KRT13: variants seen among roughly 807,000 people sequenced by gnomAD.
KRT13 encodes the protein keratin 13.
A neutral mutation model predicts 40.6 loss-of-function variants in KRT13; 27 were observed. The observed-to-expected ratio is 0.67, with a 90% CI of 0.49 to 0.92. KRT13 has a LOEUF of 0.92. Among genes scored for constraint, KRT13 ranks in the 40% least tolerant of loss-of-function variants. The pLI, the probability that KRT13 is intolerant of heterozygous loss-of-function variation, is 0.00. For synonymous variants in KRT13, 266 were observed against 240.3 expected, an observed-to-expected ratio of 1.11 and a Z score of -0.99; for missense variants, 605 against 611.5, an observed-to-expected ratio of 0.99 and a Z score of 0.11.
chr17:41,503,244 C>A, intron 3 of KRT13, 43 bp downstream of exon 3: 1 of 1,611,880 alleles, frequency 6.2e-7, no homozygotes. Flanking sequence ...CTCCTTCTCA[C>A]TGGAGGTTGT....
chr17:41,504,103 T>A, intron 1 of KRT13: 1 of 300,502 alleles, frequency 3.3e-6, no homozygotes, highest in Non-Finnish European at 6.4e-6. Flanking sequence ...GGCATTTCCC[T>A]CTGGGCCTCC....
chr17:41,502,095 A>G, intron 6 of KRT13: 2 of 1,420,172 alleles, frequency 1.4e-6, no homozygotes, highest in Non-Finnish European at 9.2e-7. Flanking sequence ...AAAGCACCAT[A>G]GTAATAGCTT....
At chr17:41,501,492 C>T in intron 7 of KRT13, 130 bp from the exon 8 acceptor site, 1 of 1,072,226 alleles carries the variant, frequency 9.3e-7, no homozygotes, top group Non-Finnish European at 1.4e-6. Context: ...TTTATTGTCC[C>T]CAAAGATGGC....
In KRT13 at chr17:41,503,349, G is replaced by A. The variant is rs747084203; in HGVS notation, c.673C>T (p.Leu225=). Residue 225 remains leucine, a synonymous_variant, in exon 3 of 8, where the codon CTG becomes TTG. Coordinates refer to ENST00000246635, the MANE Select transcript of KRT13 (RefSeq NM_153490.3). ...LDELTLSKTD[L]EMQIESLNEE... ...TTCAGGCTCTCGATCTGCATCTCCA[G>A]GTCAGTCTTAGACAGAGTGAGCTCA... 1 of 1,614,252 alleles carries A rather than the reference G, an allele frequency of 6.2e-7. No individual in the cohort carries two copies. Among genetic ancestry groups the A allele is most frequent in the Non-Finnish European group, 8.5e-7 (1 of 1,180,040 alleles).
chr17:41,503,592 A>G, intron 2 of KRT13, 51 bp downstream of exon 2: 1 of 1,579,364 alleles, frequency 6.3e-7, no homozygotes, highest in Middle Eastern at 1.7e-4. Flanking sequence ...GCTTTTGTCT[A>G]AACTAAGAGA....
chr17:41,502,406 G>A lies in KRT13; in HGVS notation c.1212C>T (p.Thr404=). ...IKTRLEQEIA[T]YRSLLEGQDA... Reference sequence around the variant, plus strand: ...CCTGGCCCTCGAGCAGGCTGCGGTAGGTGGCGATCTCCTGCTCCAGACGTG... The same window carrying A: ...CCTGGCCCTCGAGCAGGCTGCGGTAAGTGGCGATCTCCTGCTCCAGACGTG... The change falls in exon 6 of 8, where the codon ACC becomes ACT. Residue 404 remains threonine, a synonymous_variant. Coordinates refer to ENST00000246635, the MANE Select transcript of KRT13 (RefSeq NM_153490.3). 5 of 1,614,254 alleles carry A rather than the reference G, an allele frequency of 3.1e-6. No homozygotes were observed. Among genetic ancestry groups the A allele is most frequent in the Non-Finnish European group, 4.2e-6 (5 of 1,180,044 alleles).
Position 41,502,519 on chromosome 17 carries a change from T to C in KRT13, c.1099A>G (p.Ile367Val). Residue 367 changes from isoleucine (I) to valine (V), a missense_variant, in exon 6 of 8, where the codon ATC (isoleucine) becomes GTC (valine). By Grantham distance (29) the Ile-to-Val change is conservative. Coordinates refer to ENST00000246635, the MANE Select transcript of KRT13 (RefSeq NM_153490.3). ...CTCAGCTGGGCCTCGATGCTGCTGA[T>C]GAGTCCCTGGATCTGCTGCAGCTGC... Reference protein sequence around the residue: ...ALQLQQIQGLISSIEAQLSEL... With the variant: ...ALQLQQIQGLVSSIEAQLSEL... 1.2e-6 allele frequency: 2 copies of C among 1,614,116 alleles called. No homozygotes were observed. Among genetic ancestry groups the C allele is most frequent in the East Asian group, 2.2e-5 (1 of 44,882 alleles).
chr17:41,502,103 C>T (rs147841491), intron 6 of KRT13: 1 of 1,423,858 alleles, frequency 7.0e-7, no homozygotes, highest in African/African-American at 1.4e-5. Flanking sequence ...ATAGTAATAG[C>T]TTTGTTCAGC....
Position 41,505,552 on chromosome 17 carries a change from G to A in KRT13, c.-2C>T. ...GGAGCTCTGCAGGCGGAGGCTCATGGTGAGAGCAGGATTGAGAGCAGGTGC... is the reference window on the plus strand; with the variant it reads ...GGAGCTCTGCAGGCGGAGGCTCATGATGAGAGCAGGATTGAGAGCAGGTGC... On this transcript the variant is annotated 5_prime_UTR_variant, in exon 1 of 8. Transcript: ENST00000246635. 1 of 1,614,226 alleles carries A rather than the reference G, an allele frequency of 6.2e-7. No homozygotes were observed. Among genetic ancestry groups the A allele is most frequent in the Non-Finnish European group, 8.5e-7 (1 of 1,180,050 alleles).
Position 41,502,683 on chromosome 17 carries a change from A to C in KRT13, c.1023+4T>G. 4 of 1,613,952 alleles carry C rather than the reference A, an allele frequency of 2.5e-6. No homozygotes were observed. In the South Asian group the frequency reaches 3.3e-5, roughly 13 times the overall value. On this transcript the variant is annotated splice_donor_region_variant and intron_variant, in intron 5 of 7. Transcript: ENST00000246635. ...CGCCACCGGGCAGGAGGCTGCAGGCATACCATGCTCAGCTGGGACTGCAGC... is the reference window on the plus strand; with the variant it reads ...CGCCACCGGGCAGGAGGCTGCAGGCCTACCATGCTCAGCTGGGACTGCAGC...
chr17:41,504,445 T>G (rs969237352), intron 1 of KRT13: 1 of 156,464 alleles, frequency 6.4e-6, no homozygotes, highest in Admixed American at 6.1e-5. Flanking sequence ...GTCTAAACGT[T>G]TATATTCCAA....
At chr17:41,501,464 G>A in intron 7 of KRT13, 102 bp from the exon 8 acceptor site, 1 of 1,098,518 alleles carries the variant, frequency 9.1e-7, no homozygotes, top group Non-Finnish European at 1.4e-6. Flanking sequence ...TAGTCAGGTG[G>A]TGCGTGGATG....
In KRT13 at chr17:41,501,304, G is replaced by C. The variant is rs1567712821; in HGVS notation, c.1329C>G (p.Thr443=). Residue 443 remains threonine, a synonymous_variant, in exon 8 of 8, where the codon ACC becomes ACG. Coordinates refer to ENST00000246635, the MANE Select transcript of KRT13 (RefSeq NM_153490.3). Reference sequence around the variant, plus strand: ...TGCGGCGACCAGAGGCATTAGAGGTGGTGGTAACAGAGGCACTAGAAGTCG... The same window carrying C: ...TGCGGCGACCAGAGGCATTAGAGGTCGTGGTAACAGAGGCACTAGAAGTCG... ...VTTTSSASVT[T]TSNASGRRTS... The C allele has an allele frequency of 6.3e-7, 1 of 1,576,942 alleles. No homozygotes were observed. Among genetic ancestry groups the C allele is most frequent in the Non-Finnish European group, 8.6e-7 (1 of 1,161,284 alleles).
chr17:41,504,213 G>A, intron 1 of KRT13: 1 of 185,718 alleles, frequency 5.4e-6, no homozygotes, highest in Admixed American at 5.4e-5. Flanking sequence ...GATGCAGGGA[G>A]TGCATTTCTG....
At chr17:41,503,491 A>G (rs1476788627) in intron 2 of KRT13, 48 bp from the exon 3 acceptor site, 58 of 1,601,634 alleles carry the variant, frequency 3.6e-5, no homozygotes, top group Non-Finnish European at 4.8e-5. Flanking sequence ...CAAGACATAA[A>G]TGATATGAGA....
chr17:41,505,036 C>A lies in KRT13; in HGVS notation c.495+20G>T, dbSNP rs1329532450. On this transcript the variant is annotated intron_variant, in intron 1 of 7. Transcript: ENST00000246635. The stretch of plus-strand genomic sequence containing the variant: ...CTCTGCCCTTCATGGAGGACCCCTC[C>A]TCAGCTTCCAAGGGCTCACCTTGTC... 1 of 1,613,924 alleles carries A rather than the reference C, an allele frequency of 6.2e-7. No homozygotes were observed. Among genetic ancestry groups the A allele is most frequent in the Non-Finnish European group, 8.5e-7 (1 of 1,179,848 alleles).
rs769371388 is a variant in KRT13 at position 41,502,727 on chromosome 17, A to C, written c.983T>G (p.Leu328Arg). 5.6e-6 allele frequency: 9 copies of C among 1,614,180 alleles called. No homozygotes were observed. The highest frequency in any genetic ancestry group is 6.8e-6 in the Non-Finnish European group (8 of 1,180,026). Residue 328 changes from leucine to arginine, a missense_variant, in exon 5 of 8, where the codon CTC becomes CGC. Transcript: ENST00000246635. ...KTEITELRRT[L>R]QGLEIELQSQ... Reference sequence around the variant, plus strand: ...CTGCAGCTCAATCTCCAGGCCTTGGAGCGTGCGCCTGAGCTCCGTGATCTC... The same window carrying C: ...CTGCAGCTCAATCTCCAGGCCTTGGCGCGTGCGCCTGAGCTCCGTGATCTC...
At position 41,505,410 on chromosome 17, in the gene KRT13, G is replaced by T. The variant is rs374219463; in HGVS notation, c.141C>A (p.Gly47=). The change falls in exon 1 of 8, where the codon GGC becomes GGA. Residue 47 remains glycine (G), a synonymous_variant. Coordinates refer to ENST00000246635, the MANE Select transcript of KRT13 (RefSeq NM_153490.3). Reference sequence around the variant, plus strand: ...CTCCACCAAAACCACAGCTCACGCCGCCTCCATAGCCCCCAGCTGATCCCC... The same window carrying T: ...CTCCACCAAAACCACAGCTCACGCCTCCTCCATAGCCCCCAGCTGATCCCC... ...VSGGSAGGYG[G]GVSCGFGGGA... 5 of 1,612,748 alleles carry T rather than the reference G, an allele frequency of 3.1e-6. No homozygotes were observed. The highest frequency in any genetic ancestry group is 4.2e-6 in the Non-Finnish European group (5 of 1,179,138).
At position 41,503,991 on chromosome 17, in the gene KRT13, C is replaced by G. The variant is rs111611424; in HGVS notation, c.496-266G>C. The G allele has an allele frequency of 0.04, 18,761 of 464,406 alleles. 453 individuals carry two copies. The highest frequency in any genetic ancestry group is 0.077 in the East Asian group (1,773 of 23,130). 28.8% of individuals were successfully genotyped at this position (464,406 alleles called of 1,614,324 possible). ...ACCGGCCACAGGTTAGACAAGCTTG[C>G]TCTGGGGGGTCCACGTGCTTGAGGA... On this transcript the variant is annotated intron_variant, in intron 1 of 7. Coordinates refer to ENST00000246635, the MANE Select transcript of KRT13 (RefSeq NM_153490.3).
Sources: gnomAD v4.1 joint callset for allele counts on GRCh38, gnomAD v4.1.1 for gene constraint, MANE v1.5 for transcripts, NCBI Gene and HGNC (gene_info 2026-07-23, HGNC 2026-07-21) for gene names.